SNX24: variants seen among roughly 807,000 people sequenced by gnomAD.
The protein encoded by SNX24 is sorting nexin-24.
SNX24 carries 22 observed loss-of-function variants against 28.7 expected under a neutral mutation model. The ratio of observed to expected loss-of-function variants is 0.77; its 90% CI spans 0.55 to 1.10. The LOEUF is 1.10. SNX24 is among the 50% of genes least tolerant of loss of function. The probability of loss-of-function intolerance (pLI) is 0.00; values close to 1 mark genes in which losing one functional copy is unlikely to be tolerated. For missense variants in SNX24, 221 were observed against 201.1 expected (o/e 1.10, Z -0.60); for synonymous variants, 69 against 71.5 (o/e 0.96, Z 0.18).
intron 1 of SNX24, among the ~76,000 whole-genome samples, chr5:122,910,536 T>C (rs1237318183): frequency 6.6e-6 from 1 of 151,272 alleles, no homozygotes; most frequent in Non-Finnish European, 1.5e-5. Context: ...GTTACATATG[T>C]ATACATGTGC....
intron 5 of SNX24, among the ~76,000 whole-genome samples, chr5:123,025,539 C>T (rs997102233): frequency 6.6e-6 from 1 of 152,144 alleles, no homozygotes; most frequent in Non-Finnish European, 1.5e-5. Flanking sequence ...AAGGGCTTTA[C>T]ATTTATATCA....
intron 1 of SNX24, among the ~76,000 whole-genome samples, chr5:122,917,267 A>G (rs926698650): frequency 2.0e-5 from 3 of 151,878 alleles, no homozygotes; most frequent in Non-Finnish European, 2.9e-5. Context: ...AAAAAAAAAA[A>G]AAAGAAAGAA....
intron 1 of SNX24, among the ~76,000 whole-genome samples, chr5:122,867,709 A>G (rs560014092): frequency 6.6e-6 from 1 of 152,212 alleles, no homozygotes; most frequent in African/African-American, 2.4e-5. Context: ...TCAAATCCTC[A>G]TGATTATTAA....
At chr5:122,912,269 T>C (rs928472986) in intron 1 of SNX24, among the ~76,000 whole-genome samples, 6 of 139,042 alleles carry the variant, frequency 4.3e-5, no homozygotes, top group Admixed American at 3.0e-4. Flanking sequence ...TGGCTCTCTG[T>C]TTGTCTGTTA....
chr5:122,851,759 C>T (rs184560366), intron 1 of SNX24, among the ~76,000 whole-genome samples: 45 of 151,986 alleles, frequency 3.0e-4, no homozygotes, highest in Middle Eastern at 3.4e-3. Flanking sequence ...CTATCATTTA[C>T]CCATTACCTT....
chr5:122,866,509 C>T (rs1268947222), intron 1 of SNX24, among the ~76,000 whole-genome samples: 2 of 152,200 alleles, frequency 1.3e-5, no homozygotes, highest in African/African-American at 4.8e-5. Flanking sequence ...CAGCAAGCAC[C>T]TCCGCCGGTT....
intron 1 of SNX24, among the ~76,000 whole-genome samples, chr5:122,906,278 C>T (rs528833125): frequency 1.3e-5 from 2 of 152,296 alleles, no homozygotes; most frequent in East Asian, 3.9e-4. Flanking sequence ...CTCTGGGTTC[C>T]ACCATGCTGC....
At position 122,921,196 on chromosome 5, in the gene SNX24, G is replaced by A. The variant is rs184973332; in HGVS notation, c.61-15538G>A. ...CAAAAGCATATCTTTCCTACTCTCC[G>A]CTGTGTTTCAATTGGATGTACTATT... On this transcript the variant is annotated intron_variant, in intron 1 of 6. Coordinates refer to ENST00000261369, the MANE Select transcript of SNX24 (RefSeq NM_014035.4). 4.4e-3 allele frequency among the ~76,000 whole-genome samples: 671 copies of A among 151,048 alleles called. 4 individuals are homozygous for A. The highest frequency in any genetic ancestry group is 0.013 in the African/African-American group (547 of 41,110).
chr5:123,024,007 G>C (rs377359324), intron 5 of SNX24: 2 of 1,611,552 alleles, frequency 1.2e-6, no homozygotes, highest in Non-Finnish European at 1.7e-6. Context: ...CCACTGTCTG[G>C]TGAGAGAAAA....
intron 3 of SNX24, among the ~76,000 whole-genome samples, chr5:122,975,751 T>C (rs1230056969): frequency 6.6e-6 from 1 of 152,190 alleles, no homozygotes; most frequent in Non-Finnish European, 1.5e-5. Context: ...AAAAGATACT[T>C]GATTAATCAA....
At chr5:122,925,922 G>T (rs181341184) in intron 1 of SNX24, among the ~76,000 whole-genome samples, 18 of 152,260 alleles carry the variant, frequency 1.2e-4, no homozygotes, top group Non-Finnish European at 1.9e-4. Flanking sequence ...TCATTATGGA[G>T]CTTATAATTT....
chr5:122,918,697 C>T (rs1455200406), intron 1 of SNX24, among the ~76,000 whole-genome samples: 1 of 152,118 alleles, frequency 6.6e-6, no homozygotes, highest in Non-Finnish European at 1.5e-5. Context: ...TCTAATTTAA[C>T]ATTCTCATAT....
intron 1 of SNX24, among the ~76,000 whole-genome samples, chr5:122,926,299 T>C (rs1758692062): frequency 6.6e-6 from 1 of 151,314 alleles, no homozygotes; most frequent in Non-Finnish European, 1.5e-5. Context: ...CCAGGGTGAG[T>C]GAGAGGGAGT....
intron 3 of SNX24, among the ~76,000 whole-genome samples, chr5:122,949,829 C>G (rs947733854): frequency 6.6e-6 from 1 of 152,108 alleles, no homozygotes; most frequent in Non-Finnish European, 1.5e-5. Context: ...AAAACCCTAG[C>G]TGAATATCCA....
intron 3 of SNX24, among the ~76,000 whole-genome samples, chr5:122,974,014 G>C (rs1761063427): frequency 6.6e-6 from 1 of 152,162 alleles, no homozygotes; most frequent in Non-Finnish European, 1.5e-5. Context: ...TCCTGTTCTG[G>C]ACTCGAAACT....
At chr5:123,011,267 T>C (rs1762572398), downstream of SNX24, among the ~76,000 whole-genome samples, 1 of 152,236 alleles carries the variant, frequency 6.6e-6, no homozygotes, top group Middle Eastern at 3.2e-3. Flanking sequence ...TTGTCCTGCC[T>C]GGTTCCTGGA....
chr5:122,848,150 T>G (rs1300025726), intron 1 of SNX24, among the ~76,000 whole-genome samples: 1 of 152,222 alleles, frequency 6.6e-6, no homozygotes, highest in Non-Finnish European at 1.5e-5. Flanking sequence ...TCACCCAGGC[T>G]GGAGTGCAGT....
In SNX24 at chr5:122,998,642, G is replaced by A. The variant is rs77736988; in HGVS notation, c.250-1270G>A. ...CCAGGAGGGTTCTGCTCTAGTGTGG[G>A]ACAGAGGGCAGCCTAGGAGGACTGG... On this transcript the variant is annotated intron_variant, in intron 3 of 6. Coordinates refer to ENST00000261369, the MANE Select transcript of SNX24 (RefSeq NM_014035.4). Among the ~76,000 whole-genome samples the A allele has an allele frequency of 3.9e-5, 6 of 152,268 alleles. No individual in the cohort carries two copies. In the East Asian group the frequency reaches 1.2e-3, roughly 29 times the overall value.
chr5:122,917,296 A>C (rs577323704), intron 1 of SNX24, among the ~76,000 whole-genome samples: 1 of 152,042 alleles, frequency 6.6e-6, no homozygotes, highest in South Asian at 2.1e-4. Flanking sequence ...CTGCTCCTCA[A>C]CATCTCTCCT....
Sources: gnomAD v4.1 joint callset for allele counts (sites outside exome capture counted in the v4.1 genomes callset) on GRCh38, gnomAD v4.1.1 for gene constraint, MANE v1.5 for transcripts, NCBI Gene and HGNC (gene_info 2026-07-23, HGNC 2026-07-21) for gene names.